RGS6: variants seen among roughly 807,000 people sequenced by gnomAD.
RGS6 encodes regulator of G-protein signaling 6.
A neutral mutation model predicts 78.5 loss-of-function variants in RGS6; 30 were observed. The observed-to-expected ratio is 0.38, with a 90% CI of 0.29 to 0.52. The LOEUF (loss-of-function observed/expected upper bound fraction) is 0.52. Among genes scored for constraint, RGS6 ranks in the 20% least tolerant of loss-of-function variants. The pLI is 0.85. For synonymous variants in RGS6, 206 were observed against 206.0 expected (o/e 1.00, Z 0.00); for missense variants, 495 against 609.7 (o/e 0.81, Z 1.98).
At position 72,295,123 on chromosome 14, in the gene RGS6, C is replaced by T. The variant is rs1164760433; in HGVS notation, c.85-56972C>T. ...CGGCTAAAACGGTGAAACCCCGTCT[C>T]TACTAAAAATACAAAAAATTAGCCG... is the stretch of plus-strand genomic sequence containing the variant. On this transcript the variant is annotated intron_variant, in intron 2 of 17. Transcript: ENST00000553525. 4.0e-5 allele frequency among the ~76,000 whole-genome samples: 6 copies of T among 151,714 alleles called. No individual in the cohort carries two copies. The East Asian group carries it at 1.2e-3, about 30-fold the overall frequency.
At chr14:72,160,946 G>A (rs766083096) in intron 2 of RGS6, among the ~76,000 whole-genome samples, 11 of 152,190 alleles carry the variant, frequency 7.2e-5, no homozygotes, top group Non-Finnish European at 1.5e-4. Context: ...AAAAATGCAT[G>A]TTTATTGTGG....
the RGS6 span, among the ~76,000 whole-genome samples, chr14:72,585,740 C>T: frequency 6.6e-6 from 1 of 152,214 alleles, no homozygotes; most frequent in Non-Finnish European, 1.5e-5. Flanking sequence ...AAAACCTCCA[C>T]TCAATCATCC....
At chr14:72,458,207 G>C in intron 4 of RGS6, 64 bp from the exon 5 acceptor site, 1 of 1,286,446 alleles carries the variant, frequency 7.8e-7, no homozygotes, top group Non-Finnish European at 1.1e-6. Context: ...TGGTCTCCCA[G>C]CTTAATTTTC....
the RGS6 span, among the ~76,000 whole-genome samples, chr14:72,611,041 A>T: frequency 2.0e-5 from 3 of 152,188 alleles, no homozygotes; most frequent in African/African-American, 7.2e-5. Context: ...GACTACCTCC[A>T]CAGAGATCAC....
At chr14:72,495,825 A>G (rs750799176) in intron 13 of RGS6, among the ~76,000 whole-genome samples, 1 of 152,196 alleles carries the variant, frequency 6.6e-6, no homozygotes, top group African/African-American at 2.4e-5. Context: ...AACTGCCAGC[A>G]ACGATTCCAG....
the RGS6 span, among the ~76,000 whole-genome samples, chr14:72,573,575 G>C: frequency 1.3e-5 from 2 of 152,164 alleles, no homozygotes; most frequent in Non-Finnish European, 2.9e-5. Context: ...GAGAACACTA[G>C]GATTCTGGGA....
chr14:71,956,620 C>T (rs193203158), intron 1 of RGS6, among the ~76,000 whole-genome samples: 1 of 152,198 alleles, frequency 6.6e-6, no homozygotes, highest in Admixed American at 6.5e-5. Context: ...GTTTCTCTGA[C>T]TGCTTTATAT....
chr14:72,118,737 A>G (rs1336587157), intron 2 of RGS6, among the ~76,000 whole-genome samples: 1 of 152,256 alleles, frequency 6.6e-6, no homozygotes, highest in East Asian at 1.9e-4. Context: ...ATAATGAAAC[A>G]TTGAGATAAA....
chr14:72,444,343 T>C (rs1448026989), intron 3 of RGS6, among the ~76,000 whole-genome samples: 1 of 150,472 alleles, frequency 6.6e-6, no homozygotes, highest in Non-Finnish European at 1.5e-5. Flanking sequence ...TATCAGAGAA[T>C]GGGGAAGTGC....
chr14:72,130,161 T>C (rs1462771452), intron 2 of RGS6, among the ~76,000 whole-genome samples: 1 of 152,174 alleles, frequency 6.6e-6, no homozygotes, highest in Non-Finnish European at 1.5e-5. Flanking sequence ...TTATTATAAA[T>C]GATACAATTG....
In RGS6 at chr14:72,518,555, A is replaced by G; in HGVS notation, c.1278+18A>G. 1 of 1,612,162 alleles carries G rather than the reference A, an allele frequency of 6.2e-7. No homozygotes were observed. The highest frequency in any genetic ancestry group is 8.5e-7 in the Non-Finnish European group (1 of 1,178,376). ...ACGCCCAGGTTTGCTTATCTACTCA[A>G]GTGGTTGTCATAAGGTGTTCATTTG... On this transcript the variant is annotated intron_variant, in intron 15 of 17. Transcript: ENST00000553525.
intron 2 of RGS6, among the ~76,000 whole-genome samples, chr14:72,289,919 T>A (rs1008807050): frequency 6.6e-6 from 1 of 152,220 alleles, no homozygotes; most frequent in Non-Finnish European, 1.5e-5. Flanking sequence ...TATTGGTCTC[T>A]CCTTGTCAGA....
chr14:72,423,360 A>G (rs1187585139), intron 3 of RGS6, among the ~76,000 whole-genome samples: 2 of 152,204 alleles, frequency 1.3e-5, no homozygotes, highest in African/African-American at 2.4e-5. Flanking sequence ...TTTCCCCTCA[A>G]AAGCTGATGT....
At chr14:72,537,848 T>C (rs990899259) in intron 16 of RGS6, 8 of 305,710 alleles carry the variant, frequency 2.6e-5, no homozygotes, top group African/African-American at 4.3e-5. Context: ...CTAGAGGCCA[T>C]TGATTCTCCT....
chr14:72,162,754 A>G (rs1418432504), intron 2 of RGS6, among the ~76,000 whole-genome samples: 2 of 152,242 alleles, frequency 1.3e-5, no homozygotes, highest in East Asian at 1.9e-4. Context: ...CCAAATGCCC[A>G]TCAATCAATG....
At chr14:71,878,816 T>C in the RGS6 span, among the ~76,000 whole-genome samples, 1 of 152,192 alleles carries the variant, frequency 6.6e-6, no homozygotes, top group African/African-American at 2.4e-5. Context: ...TATTTGGCCA[T>C]CTTGGAACCT....
chr14:72,578,131 A>G, the RGS6 span, among the ~76,000 whole-genome samples: 3 of 152,212 alleles, frequency 2.0e-5, no homozygotes, highest in Admixed American at 2.0e-4. Context: ...ACCTGCTCTG[A>G]CCATTAGAAC....
chr14:72,331,248 CAA>C (rs55899915), intron 2 of RGS6, among the ~76,000 whole-genome samples: 23,106 of 128,520 alleles, frequency 0.18, 1,846 homozygotes, highest in African/African-American at 0.24. Flanking sequence ...CCCTGTCGTT[CAA>C]AAAAAAAAAA....
chr14:72,468,597 A>AT (rs879368198), intron 7 of RGS6, among the ~76,000 whole-genome samples: 7 of 152,100 alleles, frequency 4.6e-5, no homozygotes, highest in African/African-American at 9.7e-5. Context: ...CTATGCATAC[A>AT]TTTTTTTCTT....
Sources: gnomAD v4.1 joint callset for allele counts (sites outside exome capture counted in the v4.1 genomes callset) on GRCh38, gnomAD v4.1.1 for gene constraint, MANE v1.5 for transcripts, NCBI Gene and HGNC (gene_info 2026-07-23, HGNC 2026-07-21) for gene names.